EPHA5: variants seen among roughly 807,000 people sequenced by gnomAD.
EPHA5 encodes the protein EPH receptor A5.
In EPHA5, 60 loss-of-function variants were observed where a neutral mutation model predicts 105.0. The ratio of observed to expected loss-of-function variants is 0.57; its 90% CI spans 0.46 to 0.71. The LOEUF (loss-of-function observed/expected upper bound fraction) is 0.71. EPHA5 is among the 30% of genes least tolerant of loss of function. The probability of loss-of-function intolerance (pLI) is 0.00; values close to 1 mark genes in which losing one functional copy is unlikely to be tolerated. For synonymous variants in EPHA5, 513 were observed against 449.1 expected (o/e 1.14, Z -1.80); for missense variants, 1,218 against 1,274.7 (o/e 0.96, Z 0.68).
At chr4:65,348,975 CT>C (rs1391646497) in intron 13 of EPHA5, among the ~76,000 whole-genome samples, 5 of 150,866 alleles carry the variant, frequency 3.3e-5, no homozygotes, top group African/African-American at 1.2e-4. Context: ...GCTATCATGC[CT>C]GGCTAATTTT....
chr4:65,573,981 C>T, intron 3 of EPHA5: 1 of 1,590,770 alleles, frequency 6.3e-7, no homozygotes, highest in Non-Finnish European at 8.6e-7. Context: ...TGGCTTATTA[C>T]TTGTGACTGG....
chr4:65,525,021 T>C (rs1286810599), intron 3 of EPHA5, among the ~76,000 whole-genome samples: 2 of 151,780 alleles, frequency 1.3e-5, no homozygotes, highest in East Asian at 3.9e-4. Context: ...CTTAGAAATA[T>C]CTACCATATT....
chr4:65,406,958 A>G (rs565252804), intron 7 of EPHA5, among the ~76,000 whole-genome samples: 26 of 151,944 alleles, frequency 1.7e-4, no homozygotes, highest in African/African-American at 6.0e-4. Flanking sequence ...ATTATCAGAT[A>G]CTATTGTGTT....
At chr4:65,588,295 T>C (rs1167423797) in intron 3 of EPHA5, among the ~76,000 whole-genome samples, 1 of 152,184 alleles carries the variant, frequency 6.6e-6, no homozygotes, top group Admixed American at 6.5e-5. Flanking sequence ...TTAGATCTTA[T>C]TTCTTGGGAT....
intron 3 of EPHA5, among the ~76,000 whole-genome samples, chr4:65,561,935 A>G (rs1739057420): frequency 6.6e-6 from 1 of 152,234 alleles, no homozygotes; most frequent in East Asian, 1.9e-4. Context: ...GTCTAATATT[A>G]TACACTGAGA....
At chr4:65,324,313 C>A in intron 16 of EPHA5, 94 bp from the exon 17 acceptor site, 1 of 773,028 alleles carries the variant, frequency 1.3e-6, no homozygotes, top group Non-Finnish European at 2.2e-6. Context: ...AGTGCAGACA[C>A]TAGTTAGATT....
chr4:65,410,240 A>G (rs886808972), intron 7 of EPHA5, among the ~76,000 whole-genome samples: 1 of 152,220 alleles, frequency 6.6e-6, no homozygotes, highest in African/African-American at 2.4e-5. Context: ...ATAAAAATAA[A>G]CAAACTTGAT....
intron 11 of EPHA5, among the ~76,000 whole-genome samples, chr4:65,363,496 A>G (rs185655133): frequency 3.9e-4 from 59 of 151,656 alleles, no homozygotes; most frequent in Non-Finnish European, 1.5e-5. Flanking sequence ...TCTAAATATT[A>G]CATCTTAACT....
intron 8 of EPHA5, among the ~76,000 whole-genome samples, chr4:65,398,155 G>T (rs569280799): frequency 1.3e-5 from 2 of 152,322 alleles, no homozygotes; most frequent in South Asian, 2.1e-4. Context: ...TGCCCCTGTA[G>T]GCTCAGAAGG....
At chr4:65,633,152 C>T (rs1001065960) in intron 2 of EPHA5, among the ~76,000 whole-genome samples, 1 of 151,798 alleles carries the variant, frequency 6.6e-6, no homozygotes, top group African/African-American at 2.4e-5. Context: ...ATAGCAAAAG[C>T]CTCAAAAAAC....
chr4:65,547,196 A>G (rs1737459639), intron 3 of EPHA5, among the ~76,000 whole-genome samples: 1 of 151,752 alleles, frequency 6.6e-6, no homozygotes, highest in Non-Finnish European at 1.5e-5. Context: ...ATGACAGGGC[A>G]TTCTGGGATA....
chr4:65,397,610 GT>G (rs35764521), intron 8 of EPHA5, among the ~76,000 whole-genome samples: 59,441 of 149,394 alleles, frequency 0.4, 12,731 homozygotes, highest in Non-Finnish European at 0.49. Context: ...TAGATTTCTA[GT>G]TTTTTTTTTT....
chr4:65,356,985 T>G (rs552235087), intron 11 of EPHA5, among the ~76,000 whole-genome samples: 1 of 151,638 alleles, frequency 6.6e-6, no homozygotes. Flanking sequence ...AAAATCCATA[T>G]AAAAATAACT....
chr4:65,550,270 G>C (rs1245238731), intron 3 of EPHA5, among the ~76,000 whole-genome samples: 2 of 151,994 alleles, frequency 1.3e-5, no homozygotes, highest in Non-Finnish European at 1.5e-5. Flanking sequence ...ATGTATAGTA[G>C]TGGAGGGGTG....
At chr4:65,655,793 T>C (rs900077227) in intron 1 of EPHA5, among the ~76,000 whole-genome samples, 1 of 152,132 alleles carries the variant, frequency 6.6e-6, no homozygotes, top group African/African-American at 2.4e-5. Context: ...TATTCTGAGG[T>C]TGGCTCTAAT....
intron 5 of EPHA5, among the ~76,000 whole-genome samples, chr4:65,423,443 A>G (rs1724123264): frequency 6.6e-6 from 1 of 152,066 alleles, no homozygotes; most frequent in Non-Finnish European, 1.5e-5. Flanking sequence ...ATGGTGGAAT[A>G]TCTACTTAAA....
At chr4:65,402,911 G>A (rs1411848470) in intron 8 of EPHA5, among the ~76,000 whole-genome samples, 1 of 152,124 alleles carries the variant, frequency 6.6e-6, no homozygotes, top group Non-Finnish European at 1.5e-5. Context: ...GATATAGGTT[G>A]TGCATTCTCC....
intron 3 of EPHA5, among the ~76,000 whole-genome samples, chr4:65,507,866 G>A (rs575857778): frequency 1.3e-5 from 2 of 151,932 alleles, no homozygotes; most frequent in Non-Finnish European, 2.9e-5. Flanking sequence ...AAAAATATTA[G>A]TATTTGCTTA....
intron 2 of EPHA5, among the ~76,000 whole-genome samples, chr4:65,616,175 A>T (rs1313761631): frequency 6.6e-6 from 1 of 152,002 alleles, no homozygotes; most frequent in Non-Finnish European, 1.5e-5. Context: ...AGTGAGAAAA[A>T]TCATACACAA....
Sources: allele counts gnomAD v4.1 joint callset (sites outside exome capture counted in the v4.1 genomes callset), GRCh38; gene constraint gnomAD v4.1.1; transcripts MANE v1.5; gene names NCBI Gene and HGNC (gene_info 2026-07-23, HGNC 2026-07-21).